Variants in PDGFD observed in about 807,000 individuals in gnomAD.
PDGFD encodes the protein platelet-derived growth factor D.
Under a neutral mutation model 44.7 loss-of-function variants are expected in PDGFD, and 30 were observed. That is an observed-to-expected ratio of 0.67 (90% CI 0.50 to 0.91). The LOEUF is 0.91. Ranked by LOEUF, PDGFD falls within the 40% of genes least tolerant of loss-of-function variation. PDGFD has a pLI of 0.00. For missense variants in PDGFD, 445 were observed against 457.8 expected (o/e 0.97, Z 0.25); for synonymous variants, 173 against 168.4 (o/e 1.03, Z -0.21).
chr11:104,108,384 G>A (rs1449763907), intron 1 of PDGFD, among the ~76,000 whole-genome samples: 1 of 151,970 alleles, frequency 6.6e-6, no homozygotes, highest in Non-Finnish European at 1.5e-5. Context: ...TCAAAAAGTG[G>A]GCAAAGGATA....
chr11:104,057,787 T>A (rs968346714), intron 1 of PDGFD, among the ~76,000 whole-genome samples: 2 of 152,154 alleles, frequency 1.3e-5, no homozygotes, highest in African/African-American at 4.8e-5. Flanking sequence ...AAAGCTACAG[T>A]AATAAAGATA....
intron 1 of PDGFD, among the ~76,000 whole-genome samples, chr11:104,016,341 T>C (rs1859857735): frequency 6.6e-6 from 1 of 152,178 alleles, no homozygotes. Flanking sequence ...CAGGGTTGGA[T>C]TCAAGGCCAA....
At chr11:104,150,569 G>C (rs1348453570) in intron 1 of PDGFD, among the ~76,000 whole-genome samples, 1 of 152,162 alleles carries the variant, frequency 6.6e-6, no homozygotes, top group Admixed American at 6.5e-5. Context: ...CTGGAGACTG[G>C]AAGTCTGAAC....
At chr11:104,033,905 A>G (rs867943591) in intron 1 of PDGFD, among the ~76,000 whole-genome samples, 2 of 152,208 alleles carry the variant, frequency 1.3e-5, no homozygotes, top group Admixed American at 6.5e-5. Flanking sequence ...TATTGAGTCA[A>G]AGGGTCATTC....
intron 6 of PDGFD, among the ~76,000 whole-genome samples, chr11:103,921,239 T>C (rs1181905448): frequency 2.0e-5 from 3 of 152,240 alleles, no homozygotes; most frequent in African/African-American, 7.2e-5. Context: ...TCCAAAAAAA[T>C]AACAGAAAAG....
intron 1 of PDGFD, among the ~76,000 whole-genome samples, chr11:104,148,840 T>C (rs1157782324): frequency 1.3e-5 from 2 of 152,162 alleles, no homozygotes; most frequent in Non-Finnish European, 2.9e-5. Context: ...TAAGAACATA[T>C]TGTATTTGGT....
chr11:103,988,834 T>G (rs1859408429), intron 3 of PDGFD, among the ~76,000 whole-genome samples: 1 of 152,190 alleles, frequency 6.6e-6, no homozygotes, highest in African/African-American at 2.4e-5. Context: ...GCATTAGATC[T>G]CTAAGATAAT....
intron 1 of PDGFD, among the ~76,000 whole-genome samples, chr11:104,056,355 G>A (rs1432599919): frequency 2.0e-5 from 3 of 152,104 alleles, no homozygotes; most frequent in Non-Finnish European, 4.4e-5. Flanking sequence ...TCTTAACCCC[G>A]ATAACTGTGG....
intron 1 of PDGFD, among the ~76,000 whole-genome samples, chr11:104,071,172 A>G (rs548685481): frequency 8.2e-4 from 125 of 152,102 alleles, no homozygotes; most frequent in African/African-American, 2.6e-3. Flanking sequence ...TAAGCACAAT[A>G]TTGTGCATCA....
At chr11:104,024,453 C>T (rs1860010900) in intron 1 of PDGFD, among the ~76,000 whole-genome samples, 1 of 152,160 alleles carries the variant, frequency 6.6e-6, no homozygotes, top group African/African-American at 2.4e-5. Flanking sequence ...AATACAATCA[C>T]ATAACACATA....
chr11:103,927,224 C>A (rs912263519), intron 5 of PDGFD, 98 bp from the exon 6 acceptor site: 1 of 1,060,434 alleles, frequency 9.4e-7, no homozygotes. Flanking sequence ...TCTGTGAGGA[C>A]AACTTTAATC....
intron 3 of PDGFD, among the ~76,000 whole-genome samples, chr11:103,954,712 G>A (rs527348506): frequency 1.3e-5 from 2 of 151,970 alleles, no homozygotes; most frequent in South Asian, 4.2e-4. Flanking sequence ...CTTCTCAGAG[G>A]CAGAAAATAA....
At chr11:104,069,908 T>A (rs577184506) in intron 1 of PDGFD, among the ~76,000 whole-genome samples, 19 of 152,308 alleles carry the variant, frequency 1.2e-4, no homozygotes, top group African/African-American at 4.1e-4. Context: ...CCGTCTACAT[T>A]TATCAGATGG....
intron 1 of PDGFD, among the ~76,000 whole-genome samples, chr11:104,128,149 G>A (rs1861865726): frequency 8.1e-6 from 1 of 123,866 alleles, no homozygotes; most frequent in Non-Finnish European, 1.6e-5. Context: ...CTGATTAAGT[G>A]TTAAATCTAC....
At chr11:104,029,956 T>G (rs948049481) in intron 1 of PDGFD, among the ~76,000 whole-genome samples, 1 of 152,104 alleles carries the variant, frequency 6.6e-6, no homozygotes, top group African/African-American at 2.4e-5. Context: ...AGCTCAAAAA[T>G]CTTAAACGTT....
intron 1 of PDGFD, among the ~76,000 whole-genome samples, chr11:104,117,468 C>T (rs11226178): frequency 0.14 from 20,908 of 151,762 alleles, 1,604 homozygotes; most frequent in East Asian, 0.29. Flanking sequence ...GATATGATTG[C>T]TTATGTAGAA....
chr11:103,986,250 T>C (rs1247209632), intron 3 of PDGFD, among the ~76,000 whole-genome samples: 1 of 152,196 alleles, frequency 6.6e-6, no homozygotes, highest in East Asian at 1.9e-4. Flanking sequence ...TCATGGGATC[T>C]TTAACTTCCC....
At chr11:104,057,060 G>A (rs1412804419) in intron 1 of PDGFD, among the ~76,000 whole-genome samples, 1 of 152,086 alleles carries the variant, frequency 6.6e-6, no homozygotes, top group Non-Finnish European at 1.5e-5. Flanking sequence ...CCTAGGAGGC[G>A]GAGATTGCAG....
intron 1 of PDGFD, among the ~76,000 whole-genome samples, chr11:104,051,207 G>C (rs943714593): frequency 6.6e-6 from 1 of 152,088 alleles, no homozygotes; most frequent in African/African-American, 2.4e-5. Context: ...AGAAAGTTTG[G>C]TACCTAGGTT....
Sources: gnomAD v4.1 joint callset for allele counts (sites outside exome capture counted in the v4.1 genomes callset) on GRCh38, gnomAD v4.1.1 for gene constraint, MANE v1.5 for transcripts, NCBI Gene and HGNC (gene_info 2026-07-23, HGNC 2026-07-21) for gene names.